The following FHOD3 variants were observed in gnomAD, a reference collection of about 807,000 sequenced individuals.
The protein encoded by FHOD3 is FH1/FH2 domain-containing protein 3.
Under a neutral mutation model 173.0 loss-of-function variants are expected in FHOD3, and 90 were observed. That is an observed-to-expected ratio of 0.52 (90% CI 0.44 to 0.62). The LOEUF (loss-of-function observed/expected upper bound fraction) is 0.62, where lower values mean the gene tolerates loss of function less well. Among genes scored for constraint, FHOD3 ranks in the 20% least tolerant of loss-of-function variants. FHOD3 has a pLI of 0.00. For missense variants in FHOD3, 1,945 were observed against 2,034.7 expected, an observed-to-expected ratio of 0.96 and a Z score of 0.85; for synonymous variants, 828 against 823.0, an observed-to-expected ratio of 1.01 and a Z score of -0.10.
chr18:36,772,694 G>C (rs538710663), intron 28 of FHOD3, among the ~76,000 whole-genome samples: 71 of 152,380 alleles, frequency 4.7e-4, no homozygotes, highest in African/African-American at 1.3e-3. Context: ...CAAGGGCCTC[G>C]TAATAGATTC....
chr18:36,755,122 C>A lies in FHOD3; in HGVS notation c.4236C>A (p.Phe1412Leu). 2 of 1,560,762 alleles carry A rather than the reference C, an allele frequency of 1.3e-6. No individual in the cohort carries two copies. Among genetic ancestry groups the A allele is most frequent in the South Asian group, 1.2e-5 (1 of 80,548 alleles). The change falls in exon 25 of 29, where the codon TTC (phenylalanine) becomes TTA (leucine). Residue 1412 changes from phenylalanine to leucine, a missense_variant. Transcript: ENST00000590592. The stretch of plus-strand genomic sequence containing the variant: ...TATTACTGTTTTTTCCTTGCAGATT[C>A]CACTCCTTTTTACTCTTTATGGGCC... The part of the protein sequence containing the change: ...KIVHRRIINR[F>L]HSFLLFMGHP...
At chr18:36,348,496 T>C (rs778685076) in intron 1 of FHOD3, among the ~76,000 whole-genome samples, 6 of 152,080 alleles carry the variant, frequency 3.9e-5, no homozygotes, top group South Asian at 2.1e-4. Flanking sequence ...GTGCTTAAGG[T>C]TGCTATCTTG....
At chr18:36,517,149 TTATC>T (rs1466273396) in intron 5 of FHOD3, among the ~76,000 whole-genome samples, 1 of 152,184 alleles carries the variant, frequency 6.6e-6, no homozygotes, top group Non-Finnish European at 1.5e-5. Flanking sequence ...GGAATAATAT[TTATC>T]TGACTTATTA....
intron 10 of FHOD3, among the ~76,000 whole-genome samples, chr18:36,643,127 A>G (rs900954179): frequency 3.3e-5 from 5 of 151,160 alleles, no homozygotes; most frequent in Non-Finnish European, 5.9e-5. Context: ...ATCTTTATCT[A>G]TTTTTTCCCT....
At chr18:36,774,048 A>G (rs985934211) in intron 28 of FHOD3, among the ~76,000 whole-genome samples, 2 of 152,164 alleles carry the variant, frequency 1.3e-5, no homozygotes, top group African/African-American at 2.4e-5. Flanking sequence ...TTTCCTTTCT[A>G]TCCTTAGTTT....
At chr18:36,774,805 A>G (rs1174994164) in intron 28 of FHOD3, among the ~76,000 whole-genome samples, 2 of 152,168 alleles carry the variant, frequency 1.3e-5, no homozygotes, top group Non-Finnish European at 2.9e-5. Flanking sequence ...CGAAGGTCCT[A>G]TTTTTGCTCT....
chr18:36,756,277 G>T (rs2042630311), intron 25 of FHOD3, among the ~76,000 whole-genome samples: 2 of 152,012 alleles, frequency 1.3e-5, no homozygotes, highest in Admixed American at 1.3e-4. Context: ...CATCTTTTTT[G>T]ATATTGACAG....
intron 1 of FHOD3, among the ~76,000 whole-genome samples, chr18:36,302,391 C>T (rs1390280343): frequency 1.3e-5 from 2 of 152,112 alleles, no homozygotes; most frequent in African/African-American, 4.8e-5. Context: ...CTGCCACCGC[C>T]CCTCCCCCCC....
At chr18:36,769,807 C>T (rs896727291) in intron 28 of FHOD3, among the ~76,000 whole-genome samples, 3 of 152,140 alleles carry the variant, frequency 2.0e-5, no homozygotes, top group African/African-American at 4.8e-5. Flanking sequence ...GCCCTGCACC[C>T]AGCACCAGGG....
chr18:36,712,546 C>T (rs959450956), intron 18 of FHOD3, among the ~76,000 whole-genome samples: 1 of 151,312 alleles, frequency 6.6e-6, no homozygotes. Flanking sequence ...AACTCAAAAA[C>T]AAATCAGTGG....
intron 1 of FHOD3, among the ~76,000 whole-genome samples, chr18:36,322,391 T>C (rs1180864531): frequency 6.6e-6 from 1 of 152,066 alleles, no homozygotes; most frequent in Non-Finnish European, 1.5e-5. Flanking sequence ...AGAAGGGCAG[T>C]AAGTTGTCTG....
chr18:36,757,646 G>A (rs2042688266), intron 25 of FHOD3, among the ~76,000 whole-genome samples: 2 of 152,166 alleles, frequency 1.3e-5, no homozygotes, highest in Admixed American at 1.3e-4. Flanking sequence ...AACATTTAGA[G>A]ATGAGAGGTC....
intron 3 of FHOD3, among the ~76,000 whole-genome samples, chr18:36,387,814 T>C (rs2048101756): frequency 6.6e-6 from 1 of 152,114 alleles, no homozygotes. Context: ...TACCGTGTGC[T>C]GTCATTGCCC....
chr18:36,387,194 G>A (rs1041375850), intron 3 of FHOD3, among the ~76,000 whole-genome samples: 19 of 152,150 alleles, frequency 1.2e-4, no homozygotes, highest in Non-Finnish European at 2.6e-4. Flanking sequence ...CTTGAGGGGA[G>A]ATGGTGGGTT....
intron 3 of FHOD3, among the ~76,000 whole-genome samples, chr18:36,377,741 C>A (rs1420099095): frequency 1.3e-5 from 2 of 152,202 alleles, no homozygotes; most frequent in Non-Finnish European, 2.9e-5. Flanking sequence ...AGACTCCCCA[C>A]ACGTCCACTG....
At chr18:36,439,080 G>T (rs920106383) in intron 3 of FHOD3, among the ~76,000 whole-genome samples, 1 of 152,188 alleles carries the variant, frequency 6.6e-6, no homozygotes, top group African/African-American at 2.4e-5. Flanking sequence ...CTAGCTAGCA[G>T]GAGATGCTAA....
intron 2 of FHOD3, among the ~76,000 whole-genome samples, chr18:36,361,592 A>G (rs551610809): frequency 1.6e-4 from 25 of 151,602 alleles, no homozygotes; most frequent in South Asian, 4.2e-4. Flanking sequence ...AGGCTGAGGC[A>G]GGAGAATTGC....
Position 36,681,849 on chromosome 18 carries a change from C to T in FHOD3, c.1970+279C>T, listed in dbSNP as rs116650552. ...CCTACCTCGTCCTATCCAGGCCCTC[C>T]GGATGACAGAGAGTGTAATTATCTT... On this transcript the variant is annotated intron_variant, in intron 15 of 28. Coordinates refer to ENST00000590592, the MANE Select transcript of FHOD3 (RefSeq NM_001281740.3). 4.2e-3 allele frequency among the ~76,000 whole-genome samples: 645 copies of T among 152,242 alleles called. 8 individuals are homozygous for T. The highest frequency in any genetic ancestry group is 0.015 in the African/African-American group (605 of 41,540).
chr18:36,361,929 C>T (rs1176681346), intron 2 of FHOD3, among the ~76,000 whole-genome samples: 1 of 152,086 alleles, frequency 6.6e-6, no homozygotes, highest in Non-Finnish European at 1.5e-5. Context: ...AGAACCACTG[C>T]GTGAGAAAGA....
Sources: allele counts gnomAD v4.1 joint callset (sites outside exome capture counted in the v4.1 genomes callset), GRCh38; gene constraint gnomAD v4.1.1; transcripts MANE v1.5; gene names NCBI Gene and HGNC (gene_info 2026-07-23, HGNC 2026-07-21).